The following TRIM38 variants were observed in gnomAD, a reference collection of about 807,000 sequenced individuals.
TRIM38 encodes the protein E3 ubiquitin-protein ligase TRIM38.
In TRIM38, 35 loss-of-function variants were observed where a neutral mutation model predicts 35.8. That is an observed-to-expected ratio of 0.98 (90% CI 0.75 to 1.30). The LOEUF (loss-of-function observed/expected upper bound fraction) is 1.30. TRIM38 is among the 50% of genes most tolerant of loss of function. TRIM38 has a pLI of 0.00. For missense variants in TRIM38, 545 were observed against 556.9 expected (o/e 0.98, Z 0.21); for synonymous variants, 198 against 204.7 (o/e 0.97, Z 0.28).
rs117117627 is a variant in TRIM38 at position 25,970,860 on chromosome 6, T to C, written c.508-1009T>C. Among the ~76,000 whole-genome samples, 52 of 152,330 alleles carry C rather than the reference T, an allele frequency of 3.4e-4. No individual in the cohort carries two copies. The East Asian group carries it at 9.4e-3, about 28-fold the overall frequency. ...TGAATACACACTCCCACTGCATTAA[T>C]TTAGACAGCACTAATGGAAATTGCA... is the stretch of plus-strand genomic sequence containing the variant. On this transcript the variant is annotated intron_variant, in intron 4 of 7. Transcript: ENST00000357085.
chr6:25,969,471 G>A, intron 4 of TRIM38, 51 bp downstream of exon 4: 1 of 1,448,850 alleles, frequency 6.9e-7, no homozygotes, highest in Non-Finnish European at 9.5e-7. Context: ...CTAGAGCTTA[G>A]GCATAGGGGA....
At position 25,984,852 on chromosome 6, in the gene TRIM38, A is replaced by C. The variant is rs1362518250; in HGVS notation, c.*1165A>C. ...CATGCTGTGCCTCAAGGAAAAAAAA[A>C]ATTAATGTTTACTGATATTTGTTGA... On this transcript the variant is annotated 3_prime_UTR_variant, in exon 8 of 8. Transcript: ENST00000357085. 1 of 152,322 alleles carries C rather than the reference A, an allele frequency of 6.6e-6. No individual in the cohort carries two copies. The highest frequency in any genetic ancestry group is 1.5e-5 in the Non-Finnish European group (1 of 68,050). The allele number at this position is 152,322 out of a possible 1,614,324, so 9.4% of individuals were successfully genotyped here.
chr6:25,974,871 C>A, intron 7 of TRIM38: 3 of 985,174 alleles, frequency 3.0e-6, no homozygotes, highest in Non-Finnish European at 3.6e-6. Flanking sequence ...AACAACAAAA[C>A]CCAAAAGCAC....
Position 25,988,539 on chromosome 6 carries a change from C to T in TRIM38, c.*4852C>T, listed in dbSNP as rs1253448694. On this transcript the variant is annotated 3_prime_UTR_variant, in exon 8 of 8. Coordinates refer to ENST00000357085, the MANE Select transcript of TRIM38 (RefSeq NM_006355.5). ...GAGACAGAGGAGTCTTGCTCTGTTG[C>T]CCAGGCTGAAGTGCAGTGGCACTGG... The T allele has an allele frequency of 2.1e-5, 2 of 95,900 alleles. No homozygotes were observed. Among genetic ancestry groups the T allele is most frequent in the African/African-American group, 8.5e-5 (2 of 23,396 alleles). The allele number at this position is 95,900 out of a possible 1,614,324, so 5.9% of individuals were successfully genotyped here. A position where few individuals can be genotyped will look rare whatever the true frequency, so the allele number is the denominator to read the frequency against.
Position 25,966,373 on chromosome 6 carries a change from T to C in TRIM38, c.-150T>C. 1 of 775,756 alleles carries C rather than the reference T, an allele frequency of 1.3e-6. No individual in the cohort carries two copies. The highest frequency in any genetic ancestry group is 3.1e-5 in the Admixed American group (1 of 31,904). The allele number at this position is 775,756 out of a possible 1,614,324, so 48.1% of individuals were successfully genotyped here. ...CAATACAAAATGAGATAATAGGGGT[T>C]GGAAGGAAAACCTTCAAGACCTATG... On this transcript the variant is annotated 5_prime_UTR_variant, in exon 3 of 8. Transcript: ENST00000357085.
In TRIM38 at chr6:25,989,510, CTTTTTTTT is replaced by C. The variant is rs59539108; in HGVS notation, c.*5840_*5847del. ...GCTATTGTTAGCAAGGTCTTGTATTCTTTTTTTTTTTTTTTTTTTTTTTTAATAGAGAC... is the reference window on the plus strand; with the variant it reads ...GCTATTGTTAGCAAGGTCTTGTATTCTTTTTTTTTTTTTTTTAATAGAGAC... On this transcript the variant is annotated 3_prime_UTR_variant, in exon 8 of 8. Coordinates refer to ENST00000357085, the MANE Select transcript of TRIM38 (RefSeq NM_006355.5). 1.3e-4 allele frequency: 12 copies of C among 93,730 alleles called. No individual in the cohort carries two copies. The highest frequency in any genetic ancestry group is 4.8e-4 in the African/African-American group (12 of 25,248). The allele number at this position is 93,730 out of a possible 1,614,324, so 5.8% of individuals were successfully genotyped here. A position where few individuals can be genotyped will look rare whatever the true frequency, so the allele number is the denominator to read the frequency against.
chr6:25,973,370 C>T (rs961277052), intron 7 of TRIM38, 85 bp downstream of exon 7: 42 of 1,541,582 alleles, frequency 2.7e-5, no homozygotes, highest in Non-Finnish European at 3.7e-5. Context: ...CCTTGGCAGG[C>T]TCACAGCCAG....
chr6:25,978,174 T>C (rs72832602), intron 7 of TRIM38, among the ~76,000 whole-genome samples: 13,567 of 152,100 alleles, frequency 0.089, 771 homozygotes, highest in Non-Finnish European at 0.13. Context: ...CAGGTCTCCC[T>C]CTGTCTCCCA....
chr6:25,983,630 G>T lies in TRIM38; in HGVS notation c.1341G>T (p.Arg447=). ...FPKASFSDTL[R]PYFQVYQYSP... is the part of the protein sequence containing the mutation. Reference sequence around the variant, plus strand: ...AGGCTTCCTTCTCTGATACTCTCCGGCCCTATTTCCAGGTTTATCAATATT... The same window carrying T: ...AGGCTTCCTTCTCTGATACTCTCCGTCCCTATTTCCAGGTTTATCAATATT... Residue 447 remains arginine (R), a synonymous_variant, in exon 8 of 8, where the codon CGG becomes CGT. Coordinates refer to ENST00000357085, the MANE Select transcript of TRIM38 (RefSeq NM_006355.5). 1.2e-6 allele frequency: 2 copies of T among 1,612,830 alleles called. No individual in the cohort carries two copies. The highest frequency in any genetic ancestry group is 8.5e-7 in the Non-Finnish European group (1 of 1,179,660).
Position 25,966,848 on chromosome 6 carries a change from A to ACT in TRIM38, c.326_327insCT (p.Gln109HisfsTer37). ...CACCTGTTCTGCGAAGACGAGGGGCAGCTCATCTGCTGGCGCTGTGAGCGG... is the reference window on the plus strand; with the variant it reads ...CACCTGTTCTGCGAAGACGAGGGGCACTGCTCATCTGCTGGCGCTGTGAGCGG... On this transcript the variant is annotated frameshift_variant, in exon 3 of 8. Transcript: ENST00000357085. LOFTEE classifies it high-confidence loss of function. The ACT allele has an allele frequency of 6.2e-7, 1 of 1,614,220 alleles. No individual in the cohort carries two copies. The highest frequency in any genetic ancestry group is 8.5e-7 in the Non-Finnish European group (1 of 1,180,040).
At chr6:25,973,329 C>T (rs374620851) in intron 7 of TRIM38, 44 bp downstream of exon 7, 3 of 1,591,502 alleles carry the variant, frequency 1.9e-6, no homozygotes, top group South Asian at 1.1e-5. Flanking sequence ...ATAGAAGGGG[C>T]CTTATGCAGT....
rs976481129 is a variant in TRIM38 at position 25,986,412 on chromosome 6, A to G, written c.*2725A>G. On this transcript the variant is annotated 3_prime_UTR_variant, in exon 8 of 8. Transcript: ENST00000357085. ...TGTGCCTTAGTTTCAGCTACTCAGG[A>G]GGCTGAGACGAGGATTGCTTGAGCC... 1 of 151,472 alleles carries G rather than the reference A, an allele frequency of 6.6e-6. No homozygotes were observed. Among genetic ancestry groups the G allele is most frequent in the African/African-American group, 2.4e-5 (1 of 41,224 alleles). The allele number at this position is 151,472 out of a possible 1,614,324, so 9.4% of individuals were successfully genotyped here.
intron 7 of TRIM38, among the ~76,000 whole-genome samples, chr6:25,976,838 A>G (rs1760408333): frequency 6.6e-6 from 1 of 152,166 alleles, no homozygotes; most frequent in South Asian, 2.1e-4. Flanking sequence ...CACTCCTCCA[A>G]AACTCCCTGA....
chr6:25,972,965 G>A (rs771705327), intron 5 of TRIM38, 89 bp from the exon 6 acceptor site: 71 of 1,540,450 alleles, frequency 4.6e-5, no homozygotes, highest in Non-Finnish European at 5.7e-5. Flanking sequence ...TTACTTCTTC[G>A]GGTAAAGCAA....
At chr6:25,973,423 C>T (rs1284184643) in intron 7 of TRIM38, 138 bp downstream of exon 7, 1 of 1,451,088 alleles carries the variant, frequency 6.9e-7, no homozygotes, top group Non-Finnish European at 9.1e-7. Context: ...CATACTTTCT[C>T]TAGTTAGTAT....
intron 3 of TRIM38, among the ~76,000 whole-genome samples, chr6:25,968,773 C>T (rs1760137767): frequency 6.6e-6 from 1 of 152,102 alleles, no homozygotes; most frequent in Non-Finnish European, 1.5e-5. Flanking sequence ...TTCATGATAC[C>T]ATTGTTCAAA....
At chr6:25,982,536 T>C (rs1760574848) in intron 7 of TRIM38, among the ~76,000 whole-genome samples, 1 of 152,174 alleles carries the variant, frequency 6.6e-6, no homozygotes, top group Non-Finnish European at 1.5e-5. Context: ...CCGGACTTTG[T>C]AGCCCCCACG....
Position 25,983,146 on chromosome 6 carries a change from T to C in TRIM38, c.875-18T>C. 6.5e-7 allele frequency: 1 copy of C among 1,534,508 alleles called. No individual in the cohort carries two copies. Among genetic ancestry groups the C allele is most frequent in the Non-Finnish European group, 8.8e-7 (1 of 1,141,738 alleles). On this transcript the variant is annotated intron_variant, in intron 7 of 7. Transcript: ENST00000357085. ...ACAGCAACAAAATTATTTTTGTTTG[T>C]TTTGTTTTGTTTTGCAGTTAGTGTG... is the stretch of plus-strand genomic sequence containing the variant.
intron 7 of TRIM38, among the ~76,000 whole-genome samples, chr6:25,977,461 G>A (rs1760427788): frequency 6.6e-6 from 1 of 152,224 alleles, no homozygotes; most frequent in Non-Finnish European, 1.5e-5. Flanking sequence ...CTTGAGGGCA[G>A]GAGTTTGAGA....
Sources: allele counts gnomAD v4.1 joint callset (sites outside exome capture counted in the v4.1 genomes callset), GRCh38; gene constraint gnomAD v4.1.1; transcripts MANE v1.5; gene names NCBI Gene and HGNC (gene_info 2026-07-23, HGNC 2026-07-21).